KCNMA1: variants seen among roughly 807,000 people sequenced by gnomAD.
KCNMA1 encodes the protein Calcium-activated potassium channel subunit alpha-1.
In KCNMA1, 29 loss-of-function variants were observed where a neutral mutation model predicts 140.0. The ratio of observed to expected loss-of-function variants is 0.21; its 90% CI spans 0.15 to 0.28. The LOEUF (loss-of-function observed/expected upper bound fraction) is 0.28. Ranked by LOEUF, KCNMA1 falls within the 10% of genes least tolerant of loss-of-function variation. The probability of loss-of-function intolerance (pLI) is 1.00; values close to 1 mark genes in which losing one functional copy is unlikely to be tolerated. For synonymous variants in KCNMA1, 612 were observed against 611.9 expected (o/e 1.00, Z 0.00); for missense variants, 880 against 1,602.2 (o/e 0.55, Z 7.70).
intron 1 of KCNMA1, among the ~76,000 whole-genome samples, chr10:77,567,488 C>T (rs566147473): frequency 1.2e-4 from 18 of 152,296 alleles, no homozygotes; most frequent in African/African-American, 4.3e-4. Flanking sequence ...TGAACACAGT[C>T]CCTTTGTTCA....
chr10:77,637,334 G>A lies in KCNMA1; in HGVS notation c.309C>T (p.Phe103=). Residue 103 remains phenylalanine, a synonymous_variant, in exon 1 of 28, where the codon TTC becomes TTT. Coordinates refer to ENST00000286628, the MANE Select transcript of KCNMA1 (RefSeq NM_001161352.2). ...SSMVTFFGGL[F]IILLWRTLKY... is the part of the protein sequence containing the mutation. ...TGAGCGTCCGCCAGAGCAAGATGAT[G>A]AAGAGGCCCCCGAAGAAAGTCACCA... The A allele has an allele frequency of 6.2e-7, 1 of 1,613,956 alleles. No individual in the cohort carries two copies. The highest frequency in any genetic ancestry group is 8.5e-7 in the Non-Finnish European group (1 of 1,179,936).
downstream of KCNMA1, chr10:76,876,711 C>CA: frequency 6.6e-6 from 1 of 152,258 alleles, no homozygotes; most frequent in Non-Finnish European, 1.5e-5. Context: ...GGTTTTTAAA[C>CA]AAAAACTCAG....
chr10:76,985,449 A>G (rs1259074439), intron 19 of KCNMA1, among the ~76,000 whole-genome samples: 2 of 152,238 alleles, frequency 1.3e-5, no homozygotes, highest in Non-Finnish European at 2.9e-5. Context: ...TTTGCAGAAA[A>G]TATTTTTCCC....
At chr10:77,578,207 C>G (rs1322861599) in intron 1 of KCNMA1, among the ~76,000 whole-genome samples, 1 of 152,190 alleles carries the variant, frequency 6.6e-6, no homozygotes, top group Non-Finnish European at 1.5e-5. Flanking sequence ...CCTCCCAATT[C>G]TAGTGGCTGA....
At chr10:77,496,596 CA>C (rs201304328) in intron 1 of KCNMA1, among the ~76,000 whole-genome samples, 74 of 62,990 alleles carry the variant, frequency 1.2e-3, no homozygotes, top group East Asian at 4.3e-3. Flanking sequence ...GACACTGTCT[CA>C]AAAAAAAAAA....
intron 2 of KCNMA1, among the ~76,000 whole-genome samples, chr10:77,252,599 CTCTT>C (rs1234452095): frequency 6.6e-6 from 1 of 151,462 alleles, no homozygotes; most frequent in African/African-American, 2.4e-5. Flanking sequence ...CAGAATCTCT[CTCTT>C]TTACACCCAC....
intron 1 of KCNMA1, among the ~76,000 whole-genome samples, chr10:77,424,390 AG>A (rs2096930988): frequency 6.6e-6 from 1 of 152,228 alleles, no homozygotes; most frequent in African/African-American, 2.4e-5. Context: ...AGAGAGGTCA[AG>A]GCACCTGCCC....
At chr10:77,185,814 G>A (rs1431802306) in intron 3 of KCNMA1, among the ~76,000 whole-genome samples, 1 of 152,080 alleles carries the variant, frequency 6.6e-6, no homozygotes, top group Non-Finnish European at 1.5e-5. Flanking sequence ...AAGTAGGAAA[G>A]CCTCATAAAC....
chr10:77,304,962 G>C (rs2077345440), intron 2 of KCNMA1, among the ~76,000 whole-genome samples: 2 of 152,208 alleles, frequency 1.3e-5, no homozygotes, highest in South Asian at 4.1e-4. Flanking sequence ...ATGCTTCCCA[G>C]ACTTCACTAT....
intron 19 of KCNMA1, among the ~76,000 whole-genome samples, chr10:76,987,164 C>T (rs2153275992): frequency 6.6e-6 from 1 of 151,238 alleles, no homozygotes; most frequent in South Asian, 2.1e-4. Flanking sequence ...ACAGAGTTTA[C>T]ATGTTAATCA....
chr10:77,297,176 G>A (rs1356755566), intron 2 of KCNMA1, among the ~76,000 whole-genome samples: 1 of 152,098 alleles, frequency 6.6e-6, no homozygotes, highest in Non-Finnish European at 1.5e-5. Context: ...ACCTTCCTCT[G>A]GCTTCCAGAG....
At chr10:76,915,165 G>A (rs570137548) in intron 23 of KCNMA1, 116 bp from the exon 24 acceptor site, 1 of 717,766 alleles carries the variant, frequency 1.4e-6, no homozygotes, top group Non-Finnish European at 2.5e-6. Flanking sequence ...TTATTCACAG[G>A]TCAACAATTA....
downstream of KCNMA1, among the ~76,000 whole-genome samples, chr10:76,883,725 T>G (rs1228715997): frequency 7.4e-6 from 1 of 135,884 alleles, no homozygotes; most frequent in Admixed American, 6.9e-5. Context: ...TTCCTTGTTT[T>G]TTTTTTTTTT....
In KCNMA1 at chr10:77,637,470, G is replaced by A. The variant is rs776719617; in HGVS notation, c.173C>T (p.Ser58Leu). The A allele has an allele frequency of 6.9e-6, 11 of 1,602,660 alleles. No homozygotes were observed. The African/African-American group carries it at 9.4e-5, about 14-fold the overall frequency. Residue 58 changes from serine (S) to leucine (L), a missense_variant, in exon 1 of 28, where the codon TCG becomes TTG. Physicochemically the swap from Ser to Leu is moderately radical, Grantham distance 145. Around this residue, in one of 13 missense-constraint regions of KCNMA1, gnomAD observed 94 missense variants for 92.4 expected, o/e 1.02. Transcript: ENST00000286628. ...SSSSSSSSSS[S>L]SSVHEPKMDA... ...CATCTTGGGCTCGTGGACCGAGGACGAGGAGGAAGAGGAGGAGGAAGAAGA... is the reference window on the plus strand; with the variant it reads ...CATCTTGGGCTCGTGGACCGAGGACAAGGAGGAAGAGGAGGAGGAAGAAGA...
chr10:77,587,173 G>A (rs1193969244), intron 1 of KCNMA1: 2 of 152,070 alleles, frequency 1.3e-5, no homozygotes, highest in African/African-American at 2.4e-5. Flanking sequence ...ACAAAGCACA[G>A]TTTGAACTTA....
At chr10:76,958,511 G>A (rs1477925710) in intron 20 of KCNMA1, among the ~76,000 whole-genome samples, 2 of 152,102 alleles carry the variant, frequency 1.3e-5, no homozygotes, top group Admixed American at 1.3e-4. Context: ...ATTTTTATGT[G>A]AAGTCTTAAC....
intron 3 of KCNMA1, among the ~76,000 whole-genome samples, chr10:77,199,423 C>G (rs1439931689): frequency 6.6e-6 from 1 of 152,182 alleles, no homozygotes; most frequent in African/African-American, 2.4e-5. Context: ...CTACTGATTA[C>G]CTTGTATGAC....
chr10:77,321,387 G>A (rs964716503), intron 2 of KCNMA1, among the ~76,000 whole-genome samples: 1 of 152,162 alleles, frequency 6.6e-6, no homozygotes, highest in South Asian at 2.1e-4. Context: ...CTGCTTAGTG[G>A]TAACATTCTC....
At chr10:77,438,015 T>C (rs932148106) in intron 1 of KCNMA1, among the ~76,000 whole-genome samples, 4 of 152,200 alleles carry the variant, frequency 2.6e-5, no homozygotes, top group African/African-American at 4.8e-5. Context: ...ATGCTGCCAG[T>C]GTAGAGAAGT....
Sources: allele counts gnomAD v4.1 joint callset (sites outside exome capture counted in the v4.1 genomes callset), GRCh38; gene constraint gnomAD v4.1.1; regional missense constraint gnomAD v4.1.1; transcripts MANE v1.5; gene names NCBI Gene and HGNC (gene_info 2026-07-23, HGNC 2026-07-21).